Variants in PPA1 observed in about 807,000 individuals in gnomAD.
PPA1 encodes inorganic pyrophosphatase 1.
In PPA1, 23 loss-of-function variants were observed where a neutral mutation model predicts 41.8. The observed-to-expected ratio is 0.55, with a 90% CI of 0.40 to 0.78. The LOEUF (loss-of-function observed/expected upper bound fraction) is 0.78. PPA1 is among the 30% of genes least tolerant of loss of function. The probability of loss-of-function intolerance (pLI) is 0.00; values close to 1 mark genes in which losing one functional copy is unlikely to be tolerated. For synonymous variants in PPA1, 101 were observed against 116.8 expected (o/e 0.86, Z 0.87); for missense variants, 320 against 361.6 (o/e 0.89, Z 0.93).
Position 70,209,610 on chromosome 10 carries a change from G to C in PPA1, c.587C>G (p.Pro196Arg), listed in dbSNP as rs145669294. ...TVDWFRRYKVPDGKPENEFAF... is the reference protein window; with the variant it reads ...TVDWFRRYKVRDGKPENEFAF... ...AAACTCATTTTCTGGTTTTCCATCA[G>C]GAACCTTATACCTTCTAAACCAGTC... The change falls in exon 7 of 11, where the codon CCT becomes CGT. Residue 196 changes from proline (P) to arginine (R), a missense_variant. By Grantham distance (103) the Pro-to-Arg change is moderately radical. Transcript: ENST00000373232. The C allele has an allele frequency of 1.2e-6, 2 of 1,607,246 alleles. No homozygotes were observed. Among genetic ancestry groups the C allele is most frequent in the Non-Finnish European group, 1.7e-6 (2 of 1,178,050 alleles).
Position 70,210,333 on chromosome 10 carries a change from TC to T in PPA1, c.512-649del, listed in dbSNP as rs1207835935. 43 of 1,351,276 alleles carry T rather than the reference TC, an allele frequency of 3.2e-5. No individual in the cohort carries two copies. In the Middle Eastern group the frequency reaches 6.3e-4, roughly 20 times the overall value. The allele number at this position is 1,351,276 out of a possible 1,614,324, so 83.7% of individuals were successfully genotyped here. A position where few individuals can be genotyped will look rare whatever the true frequency, so the allele number is the denominator to read the frequency against. ...CTCAAGCAATCCTCCTGCCTTGGCTTCCCAAAGCACTGGGATTACAGGCTTG... is the reference window on the plus strand; with the variant it reads ...CTCAAGCAATCCTCCTGCCTTGGCTTCCAAAGCACTGGGATTACAGGCTTG... On this transcript the variant is annotated intron_variant, in intron 6 of 10. Transcript: ENST00000373232.
intron 6 of PPA1, chr10:70,210,430 A>G (rs776786890): frequency 1.5e-6 from 2 of 1,364,298 alleles, no homozygotes; most frequent in South Asian, 2.3e-5. Flanking sequence ...CTAAAAGATA[A>G]GAAAAATAGA....
chr10:70,216,347 C>T (rs943212612), intron 4 of PPA1, among the ~76,000 whole-genome samples: 4 of 151,910 alleles, frequency 2.6e-5, no homozygotes, highest in Non-Finnish European at 5.9e-5. Flanking sequence ...ATTAGCTGGG[C>T]GTGGTGGTAG....
At position 70,230,156 on chromosome 10, in the gene PPA1, G is replaced by A. The variant is rs193136130; in HGVS notation, c.123+185C>T. On this transcript the variant is annotated intron_variant, in intron 2 of 10. Coordinates refer to ENST00000373232, the MANE Select transcript of PPA1 (RefSeq NM_021129.4). The stretch of plus-strand genomic sequence containing the variant: ...ACTTCTGGACTCAAGCCCTCCACCC[G>A]CCTCAGCCTCCCAAAGTGCTGGGAT... Among the ~76,000 whole-genome samples the A allele has an allele frequency of 3.0e-3, 457 of 152,146 alleles. 4 individuals carry two copies. Among genetic ancestry groups the A allele is most frequent in the African/African-American group, 9.9e-3 (410 of 41,514 alleles).
chr10:70,227,650 C>CAAAAAA lies in PPA1; in HGVS notation c.123+2685_123+2690dup, dbSNP rs11382289. Among the ~76,000 whole-genome samples the CAAAAAA allele has an allele frequency of 5.3e-5, 4 of 75,122 alleles. 1 individual carries two copies. Among genetic ancestry groups the CAAAAAA allele is most frequent in the Non-Finnish European group, 7.1e-5 (3 of 42,534 alleles). The allele number at this position is 75,122 out of a possible 152,430, so 49.3% of individuals were successfully genotyped here. A position where few individuals can be genotyped will look rare whatever the true frequency, so the allele number is the denominator to read the frequency against. On this transcript the variant is annotated intron_variant, in intron 2 of 10. Coordinates refer to ENST00000373232, the MANE Select transcript of PPA1 (RefSeq NM_021129.4). ...TGAGTGACAAAGTGAAACCCTATCTCAAAAAAAAAAAAAAAAAAAAAAAAA... is the reference window on the plus strand; with the variant it reads ...TGAGTGACAAAGTGAAACCCTATCTCAAAAAAAAAAAAAAAAAAAAAAAAAAAAAAA...
In PPA1 at chr10:70,209,293, A is replaced by G. The variant is rs770218846; in HGVS notation, c.640-3T>C. 1.5e-5 allele frequency: 23 copies of G among 1,572,714 alleles called. No homozygotes were observed. The African/African-American group carries it at 1.6e-4, about 11-fold the overall frequency. On this transcript the variant is annotated splice_region_variant and splice_polypyrimidine_tract_variant and intron_variant, in intron 7 of 10. Transcript: ENST00000373232. ...TTAATAATATCAATGGCAAAGTCCT[A>G]TAATTTGAAGAGGTTTGCATTACAA...
chr10:70,218,470 G>C (rs1454086759), intron 3 of PPA1: 1 of 299,842 alleles, frequency 3.3e-6, no homozygotes, highest in Non-Finnish European at 6.2e-6. Context: ...GGTGACTAAG[G>C]AGGGGTCAGT....
chr10:70,220,774 TA>T lies in PPA1; in HGVS notation c.124-1958del, dbSNP rs1169394423. On this transcript the variant is annotated intron_variant, in intron 2 of 10. Coordinates refer to ENST00000373232, the MANE Select transcript of PPA1 (RefSeq NM_021129.4). ...ATAATATATATAATTTATATATATA[TA>T]ATATATATAATTTATATATATATAA... Among the ~76,000 whole-genome samples the T allele has an allele frequency of 7.0e-5, 2 of 28,764 alleles. 1 individual carries two copies. The highest frequency in any genetic ancestry group is 1.1e-4 in the Non-Finnish European group (2 of 18,650). The allele number at this position is 28,764 out of a possible 152,430, so 18.9% of individuals were successfully genotyped here.
At chr10:70,224,713 C>T (rs535184320) in intron 2 of PPA1, among the ~76,000 whole-genome samples, 14 of 149,986 alleles carry the variant, frequency 9.3e-5, no homozygotes, top group African/African-American at 3.5e-4. Flanking sequence ...TTTATTGAGA[C>T]TTATTTCTTA....
chr10:70,233,161 C>G, intron 1 of PPA1, 103 bp downstream of exon 1: 1 of 1,283,208 alleles, frequency 7.8e-7, no homozygotes, highest in Admixed American at 3.1e-5. Context: ...GGGCCCGCGT[C>G]GGAGACCTGG....
chr10:70,232,854 GC>G (rs370534712), intron 1 of PPA1, among the ~76,000 whole-genome samples: 2 of 150,834 alleles, frequency 1.3e-5, no homozygotes, highest in Non-Finnish European at 2.9e-5. Context: ...GGAAGTCACT[GC>G]CCCCCCCGGC....
intron 2 of PPA1, among the ~76,000 whole-genome samples, chr10:70,226,997 G>C (rs1038100658): frequency 2.8e-4 from 43 of 152,116 alleles, no homozygotes; most frequent in African/African-American, 9.7e-4. Context: ...AAAAATATCT[G>C]ATTTCTAAAA....
chr10:70,224,227 T>A (rs1274860247), intron 2 of PPA1, among the ~76,000 whole-genome samples: 1 of 119,862 alleles, frequency 8.3e-6, no homozygotes, highest in Admixed American at 1.1e-4. Flanking sequence ...CTGAGCAACA[T>A]AGACAGACCC....
chr10:70,208,035 C>T (rs1170842921), intron 8 of PPA1, among the ~76,000 whole-genome samples: 1 of 151,928 alleles, frequency 6.6e-6, no homozygotes, highest in Non-Finnish European at 1.5e-5. Context: ...ACTAAAAATA[C>T]AAAAATTAGC....
At chr10:70,207,704 T>C (rs1478166954) in intron 8 of PPA1, among the ~76,000 whole-genome samples, 2 of 152,244 alleles carry the variant, frequency 1.3e-5, no homozygotes, top group African/African-American at 4.8e-5. Flanking sequence ...TATTACATAG[T>C]GTTAAATTTT....
intron 6 of PPA1, 153 bp from the exon 7 acceptor site, chr10:70,209,838 A>C (rs1839996501): frequency 5.6e-6 from 5 of 899,218 alleles, no homozygotes; most frequent in African/African-American, 1.7e-5. Flanking sequence ...CTTATCACGG[A>C]AGTTCAAGAT....
chr10:70,207,163 G>A (rs76186805), intron 8 of PPA1, among the ~76,000 whole-genome samples: 4,518 of 152,048 alleles, frequency 0.03, 91 homozygotes, highest in East Asian at 0.058. Flanking sequence ...CCACCTCTAA[G>A]AACCCAATCC....
rs1484890571 is a variant in PPA1, at chr10:70,217,831, T to C, written c.278A>G (p.Asn93Ser). Residue 93 changes from asparagine (N) to serine (S), a missense_variant, in exon 4 of 11, where the codon AAC becomes AGC. Asn to Ser is a conservative substitution (Grantham distance 46, BLOSUM62 1). Coordinates refer to ENST00000373232, the MANE Select transcript of PPA1 (RefSeq NM_021129.4). Reference sequence around the variant, plus strand: ...ACATACCTGAGGGATGGCACCATAGTTCCAGATATATCCTTTATACGGGAA... The same window carrying C: ...ACATACCTGAGGGATGGCACCATAGCTCCAGATATATCCTTTATACGGGAA... ...NLFPYKGYIW[N>S]YGAIPQTWED... 8 of 1,590,556 alleles carry C rather than the reference T, an allele frequency of 5.0e-6. No homozygotes were observed. Among genetic ancestry groups the C allele is most frequent in the Non-Finnish European group, 6.9e-6 (8 of 1,167,404 alleles).
intron 2 of PPA1, among the ~76,000 whole-genome samples, chr10:70,225,316 C>G (rs1388508271): frequency 6.6e-6 from 1 of 152,106 alleles, no homozygotes; most frequent in African/African-American, 2.4e-5. Flanking sequence ...CTCCGGGGCT[C>G]AAGTGATCCT....
Sources: gnomAD v4.1 joint callset for allele counts (sites outside exome capture counted in the v4.1 genomes callset) on GRCh38, gnomAD v4.1.1 for gene constraint, MANE v1.5 for transcripts, NCBI Gene and HGNC (gene_info 2026-07-23, HGNC 2026-07-21) for gene names.